Variants in DNAH12 observed in about 807,000 individuals in gnomAD.
DNAH12 encodes the protein axonemal beta dynein heavy chain 12.
A neutral mutation model predicts 371.5 loss-of-function variants in DNAH12; 285 were observed. The ratio of observed to expected loss-of-function variants is 0.77; its 90% confidence interval spans 0.70 to 0.85. The LOEUF (loss-of-function observed/expected upper bound fraction) is 0.85. Ranked by LOEUF, DNAH12 falls within the 40% of genes least tolerant of loss-of-function variation. DNAH12 has a pLI of 0.00. For missense variants in DNAH12, 3,611 were observed against 3,689.4 expected (o/e 0.98, Z 0.55); for synonymous variants, 1,200 against 1,213.0 (o/e 0.99, Z 0.22).
chr3:57,380,262 A>G lies in DNAH12; in HGVS notation c.8082+16T>C, dbSNP rs1181906745. ...AGCCAAGTCACATTTGTAGAAAAAA[A>G]CCCAATGCAACTCACTGGAATGTTG... On this transcript the variant is annotated intron_variant, in intron 51 of 73. Coordinates refer to ENST00000495027, the MANE Select transcript of DNAH12 (RefSeq NM_001366028.2). The G allele has an allele frequency of 7.1e-4, 108 of 152,286 alleles. No individual in the cohort carries two copies. Among genetic ancestry groups the G allele is most frequent in the Admixed American group, 7.0e-3 (107 of 15,278 alleles). The allele number at this position is 152,286 out of a possible 1,614,324, so 9.4% of individuals were successfully genotyped here.
At chr3:57,378,403 G>C (rs1159475607) in intron 52 of DNAH12, among the ~76,000 whole-genome samples, 1 of 151,936 alleles carries the variant, frequency 6.6e-6, no homozygotes, top group Non-Finnish European at 1.5e-5. Context: ...ATTCAGGTCT[G>C]CTCCTTTGAA....
At chr3:57,297,217 G>A in intron 70 of DNAH12, 1 of 514,356 alleles carries the variant, frequency 1.9e-6, no homozygotes, top group Middle Eastern at 5.1e-4. Context: ...AACATAGTTT[G>A]AAGAGTCAAA....
chr3:57,385,114 T>C (rs942209248), intron 48 of DNAH12, 109 bp from the exon 49 acceptor site: 3 of 152,304 alleles, frequency 2.0e-5, no homozygotes, highest in African/African-American at 4.8e-5. Flanking sequence ...TTTTGAAGGA[T>C]AGAAGGGTCT....
rs537440574 is a variant in DNAH12, at chr3:57,501,069, C to T, written c.1335+252G>A. ...GTGCTGGGATTACAGGCATGAGCCA[C>T]CATTCCCACCCTTTCATTTATTTTT... On this transcript the variant is annotated intron_variant, in intron 11 of 73. Coordinates refer to ENST00000495027, the MANE Select transcript of DNAH12 (RefSeq NM_001366028.2). Among the ~76,000 whole-genome samples the T allele has an allele frequency of 2.4e-3, 368 of 152,324 alleles. 1 individual carries two copies. Among genetic ancestry groups the T allele is most frequent in the Non-Finnish European group, 2.4e-3 (164 of 68,046 alleles).
rs547043687 is a variant in DNAH12, at chr3:57,311,026, C to CTATG, written c.10663-77_10663-76insCATA. 6.7e-4 allele frequency: 700 copies of CTATG among 1,043,934 alleles called. 10 individuals carry two copies. The African/African-American group carries it at 9.6e-3, about 14-fold the overall frequency. The allele number at this position is 1,043,934 out of a possible 1,614,324, so 64.7% of individuals were successfully genotyped here. ...ATTTCCATTTTAAGTATGTATCTAT[C>CTATG]TATCTAGAAAGGGGGTTGAAAGAAT... On this transcript the variant is annotated intron_variant, in intron 66 of 73. Coordinates refer to ENST00000495027, the MANE Select transcript of DNAH12 (RefSeq NM_001366028.2).
chr3:57,426,565 C>T (rs757212028), intron 34 of DNAH12, among the ~76,000 whole-genome samples: 9 of 152,030 alleles, frequency 5.9e-5, no homozygotes, highest in Non-Finnish European at 1.2e-4. Context: ...CCAGGTGGCT[C>T]ATGCCTGTAA....
At chr3:57,294,519 C>G (rs1001983470) in intron 73 of DNAH12, among the ~76,000 whole-genome samples, 3 of 151,976 alleles carry the variant, frequency 2.0e-5, no homozygotes, top group Non-Finnish European at 2.9e-5. Flanking sequence ...GTGTGGAAGA[C>G]AGGAATAGAC....
chr3:57,302,565 G>GTTTTT (rs1407756841), intron 69 of DNAH12, among the ~76,000 whole-genome samples: 1 of 28,858 alleles, frequency 3.5e-5, no homozygotes, highest in African/African-American at 1.3e-4. Flanking sequence ...ATATATATAT[G>GTTTTT]TATTTTTTTT....
chr3:57,478,970 G>A (rs905295806), intron 13 of DNAH12, among the ~76,000 whole-genome samples: 28 of 152,084 alleles, frequency 1.8e-4, no homozygotes, highest in African/African-American at 5.8e-4. Context: ...CTGCAAAAAC[G>A]TGCCAAATTG....
At chr3:57,525,831 C>T (rs979500685) in intron 2 of DNAH12, among the ~76,000 whole-genome samples, 5 of 120,800 alleles carry the variant, frequency 4.1e-5, no homozygotes, top group African/African-American at 6.2e-5. Context: ...GGCATGATCT[C>T]GACTCACCAA....
intron 5 of DNAH12, among the ~76,000 whole-genome samples, chr3:57,509,982 C>T (rs1469328468): frequency 2.0e-5 from 3 of 147,428 alleles, no homozygotes; most frequent in Non-Finnish European, 3.0e-5. Flanking sequence ...CCACCACACA[C>T]AAAAAATGAT....
At chr3:57,512,176 A>G (rs914818520) in intron 4 of DNAH12, among the ~76,000 whole-genome samples, 1 of 152,222 alleles carries the variant, frequency 6.6e-6, no homozygotes, top group African/African-American at 2.4e-5. Context: ...CAAAGTGTAA[A>G]GAATGCTTTA....
chr3:57,552,905 G>C, the DNAH12 span, among the ~76,000 whole-genome samples: 1 of 151,806 alleles, frequency 6.6e-6, no homozygotes, highest in South Asian at 2.1e-4. Context: ...GGCTGGGCGT[G>C]GTGGCTCATG....
At position 57,445,172 on chromosome 3, in the gene DNAH12, A is replaced by G. The variant is rs1312844563; in HGVS notation, c.4425+2T>C. On this transcript the variant is annotated splice_donor_variant, in intron 28 of 73. Coordinates refer to ENST00000495027, the MANE Select transcript of DNAH12 (RefSeq NM_001366028.2). LOFTEE classifies it high-confidence loss of function. ...TTCCCAATGTGTATATTTAATACTT[A>G]CAAGTATATCTTCATTTTCATTTGG... The G allele has an allele frequency of 6.5e-7, 1 of 1,535,468 alleles. No homozygotes were observed. The highest frequency in any genetic ancestry group is 8.8e-7 in the Non-Finnish European group (1 of 1,137,876).
At chr3:57,317,692 G>A (rs1447615901) in intron 65 of DNAH12, among the ~76,000 whole-genome samples, 1 of 152,066 alleles carries the variant, frequency 6.6e-6, no homozygotes, top group African/African-American at 2.4e-5. Flanking sequence ...TGGATACTCA[G>A]AAGTGAGACT....
rs981229214 is a variant in DNAH12 at position 57,542,918 on chromosome 3, T to C, written c.-33-15A>G. The C allele has an allele frequency of 1.4e-6, 2 of 1,478,228 alleles. No individual in the cohort carries two copies. Among genetic ancestry groups the C allele is most frequent in the Middle Eastern group, 1.8e-4 (1 of 5,496 alleles). 91.6% of individuals were successfully genotyped at this position (1,478,228 alleles called of 1,614,324 possible). The stretch of plus-strand genomic sequence containing the variant: ...TACTCTGTACTCTGAGGAGAAAAAG[T>C]CCATAAAGCCATTATTATGTCAGCA... On this transcript the variant is annotated splice_polypyrimidine_tract_variant and intron_variant, in intron 1 of 73. Coordinates refer to ENST00000495027, the MANE Select transcript of DNAH12 (RefSeq NM_001366028.2).
intron 58 of DNAH12, among the ~76,000 whole-genome samples, chr3:57,361,274 C>T (rs1295399062): frequency 2.0e-5 from 3 of 151,370 alleles, no homozygotes; most frequent in Non-Finnish European, 2.9e-5. Flanking sequence ...TCCTTGAACC[C>T]GGAGGTGGAT....
chr3:57,371,667 A>ATG (rs1224777062), intron 55 of DNAH12, among the ~76,000 whole-genome samples: 5 of 70,068 alleles, frequency 7.1e-5, no homozygotes, highest in Middle Eastern at 5.9e-3. Flanking sequence ...ATCTCAAAAC[A>ATG]CGCACACACA....
chr3:57,523,574 T>A lies in DNAH12; in HGVS notation c.279+9A>T. On this transcript the variant is annotated intron_variant, in intron 4 of 73. Coordinates refer to ENST00000495027, the MANE Select transcript of DNAH12 (RefSeq NM_001366028.2). ...TTTTCAAACAAGAAATATAAAAACT[T>A]GAACTCACTCCTTTTTTTTTCATTT... The A allele has an allele frequency of 6.3e-7, 1 of 1,581,992 alleles. No homozygotes were observed. The highest frequency in any genetic ancestry group is 8.6e-7 in the Non-Finnish European group (1 of 1,164,602).
Sources: allele counts gnomAD v4.1 joint callset (sites outside exome capture counted in the v4.1 genomes callset), GRCh38; gene constraint gnomAD v4.1.1; transcripts MANE v1.5; gene names NCBI Gene and HGNC (gene_info 2026-07-23, HGNC 2026-07-21).